UBE2D2: variants seen among roughly 807,000 people sequenced by gnomAD.
The protein encoded by UBE2D2 is ubiquitin-conjugating enzyme E2 D2.
A neutral mutation model predicts 24.2 loss-of-function variants in UBE2D2; 2 were observed. The ratio of observed to expected loss-of-function variants is 0.08; its 90% CI spans 0.03 to 0.26. UBE2D2 has a LOEUF of 0.26. Ranked by LOEUF, UBE2D2 falls within the 10% of genes least tolerant of loss-of-function variation. The pLI, the probability that UBE2D2 is intolerant of heterozygous loss-of-function variation, is 1.00. For synonymous variants in UBE2D2, 58 were observed against 56.5 expected, an observed-to-expected ratio of 1.03 and a Z score of -0.12; for missense variants, 44 against 177.6, an observed-to-expected ratio of 0.25 and a Z score of 4.28.
upstream of UBE2D2, among the ~76,000 whole-genome samples, chr5:139,556,454 A>G (rs1752981914): frequency 6.6e-6 from 1 of 152,146 alleles, no homozygotes; most frequent in African/African-American, 2.4e-5. Flanking sequence ...GAAGCTAGAA[A>G]AATAACAAAT....
chr5:139,605,871 T>A (rs903406997), intron 2 of UBE2D2, among the ~76,000 whole-genome samples: 1 of 151,574 alleles, frequency 6.6e-6, no homozygotes, highest in African/African-American at 2.4e-5. Flanking sequence ...CCTGAGTAGC[T>A]GGGACTATGG....
At chr5:139,570,668 T>A (rs1336540218) in intron 1 of UBE2D2, among the ~76,000 whole-genome samples, 1 of 152,114 alleles carries the variant, frequency 6.6e-6, no homozygotes, top group African/African-American at 2.4e-5. Context: ...CGTGCCATGA[T>A]GCCCAGCTAA....
chr5:139,626,624 G>T, intron 6 of UBE2D2, 132 bp from the exon 7 acceptor site: 1 of 702,260 alleles, frequency 1.4e-6, no homozygotes, highest in East Asian at 2.7e-5. Context: ...CAGAAATTTG[G>T]GATAGAAAGG....
intron 1 of UBE2D2, among the ~76,000 whole-genome samples, chr5:139,577,911 C>G (rs1753514175): frequency 6.6e-6 from 1 of 152,180 alleles, no homozygotes; most frequent in Non-Finnish European, 1.5e-5. Context: ...CTTTAGGTTT[C>G]TGGTTTGCTA....
At chr5:139,586,831 A>G (rs1340893909) in intron 1 of UBE2D2, among the ~76,000 whole-genome samples, 1 of 152,232 alleles carries the variant, frequency 6.6e-6, no homozygotes, top group Non-Finnish European at 1.5e-5. Flanking sequence ...TGTTAGGGTA[A>G]TCAGCATCTT....
At chr5:139,588,099 G>C (rs1480076788) in intron 1 of UBE2D2, among the ~76,000 whole-genome samples, 1 of 152,048 alleles carries the variant, frequency 6.6e-6, no homozygotes, top group Non-Finnish European at 1.5e-5. Flanking sequence ...AAGTGGCTGG[G>C]ATTACAGATG....
chr5:139,528,119 G>A (rs1025004233), intron 1 of UBE2D2, among the ~76,000 whole-genome samples: 8 of 152,206 alleles, frequency 5.3e-5, no homozygotes, highest in African/African-American at 1.4e-4. Flanking sequence ...TGTCTCTCAC[G>A]GCAGAGAGGA....
At chr5:139,600,228 A>G (rs765156516) in intron 1 of UBE2D2, 144 bp from the exon 2 acceptor site, 19 of 879,098 alleles carry the variant, frequency 2.2e-5, no homozygotes, top group African/African-American at 4.9e-5. Context: ...AGATTCACCA[A>G]TCTACTCATC....
chr5:139,533,540 C>T (rs112125115), intron 1 of UBE2D2, among the ~76,000 whole-genome samples: 1 of 151,852 alleles, frequency 6.6e-6, no homozygotes, highest in African/African-American at 2.4e-5. Flanking sequence ...ATCCCAGCTA[C>T]TCGGGAGGCT....
chr5:139,577,607 T>C (rs1414451160), intron 1 of UBE2D2, among the ~76,000 whole-genome samples: 3 of 151,618 alleles, frequency 2.0e-5, no homozygotes, highest in South Asian at 4.2e-4. Context: ...AAAGATGGGG[T>C]TTCATTATAT....
At chr5:139,608,849 C>T (rs1046733259) in intron 2 of UBE2D2, among the ~76,000 whole-genome samples, 1 of 152,096 alleles carries the variant, frequency 6.6e-6, no homozygotes, top group Non-Finnish European at 1.5e-5. Flanking sequence ...CTTTGGGAGG[C>T]CAGGGTGGGT....
intron 2 of UBE2D2, 32 bp from the exon 3 acceptor site, chr5:139,614,554 T>C: frequency 1.9e-6 from 3 of 1,611,774 alleles, no homozygotes; most frequent in Non-Finnish European, 2.5e-6. Flanking sequence ...TAGATATTGT[T>C]ACATGGTGAC....
intron 1 of UBE2D2, among the ~76,000 whole-genome samples, chr5:139,582,046 A>C (rs1444341830): frequency 1.4e-5 from 2 of 145,172 alleles, no homozygotes; most frequent in Middle Eastern, 3.7e-3. Flanking sequence ...AGTGCGATGC[A>C]ATAGTGTGAT....
rs1337296348 is a variant in UBE2D2 at position 139,626,862 on chromosome 5, C to G, written c.*61C>G. On this transcript the variant is annotated 3_prime_UTR_variant, in exon 7 of 7. Coordinates refer to ENST00000398733, the MANE Select transcript of UBE2D2 (RefSeq NM_003339.3). ...ATAGGGGAACTCTGAAAGAGAAAGT[C>G]CTTTTGATTTCCATTTGACTGCTTT... 1.4e-6 allele frequency: 2 copies of G among 1,468,302 alleles called. No individual in the cohort carries two copies. The highest frequency in any genetic ancestry group is 4.5e-5 in the East Asian group (2 of 44,026). 91.0% of individuals were successfully genotyped at this position (1,468,302 alleles called of 1,614,324 possible).
chr5:139,541,597 T>C (rs1432994954), intron 1 of UBE2D2, among the ~76,000 whole-genome samples: 1 of 131,792 alleles, frequency 7.6e-6, no homozygotes, highest in Non-Finnish European at 1.6e-5. Context: ...TAGACTCCAT[T>C]TCAAAAAAAA....
intron 2 of UBE2D2, among the ~76,000 whole-genome samples, chr5:139,605,607 A>G (rs1444173364): frequency 6.6e-6 from 1 of 150,402 alleles, no homozygotes; most frequent in Non-Finnish European, 1.5e-5. Context: ...AAAAAAAAAA[A>G]AAAAAAAGAA....
In UBE2D2 at chr5:139,544,956, C is replaced by T. The variant is rs1411454709; in HGVS notation, c.-64+18344C>T. ...CACGCCCGGCTAATTTTTTTTTGTA[C>T]TTTTAGTAGAGATGGGGTTTCACCA... On this transcript the variant is annotated intron_variant, in intron 1 of 6. Coordinates refer to the UBE2D2 transcript ENST00000511725. Among the ~76,000 whole-genome samples, 15 of 151,446 alleles carry T rather than the reference C, an allele frequency of 9.9e-5. 1 individual carries two copies. In the Admixed American group the frequency reaches 9.9e-4, roughly 10 times the overall value.
intron 2 of UBE2D2, 65 bp downstream of exon 2, chr5:139,600,500 TTATGG>T: frequency 6.5e-7 from 1 of 1,547,112 alleles, no homozygotes; most frequent in Non-Finnish European, 8.9e-7. Context: ...GAAGAAACAA[TTATGG>T]TATAGGGAAG....
In UBE2D2 at chr5:139,562,945, CT is replaced by C. The variant is rs1246163400; in HGVS notation, c.24+1135del. On this transcript the variant is annotated intron_variant, in intron 1 of 6. Coordinates refer to ENST00000398733, the MANE Select transcript of UBE2D2 (RefSeq NM_003339.3). The stretch of plus-strand genomic sequence containing the variant: ...GTAGCTACTTTTTTCTTCAATACAT[CT>C]TTTTCCTTTTAGTGGAGAACGGGGT... 2.0e-5 allele frequency among the ~76,000 whole-genome samples: 3 copies of C among 152,050 alleles called. No individual in the cohort carries two copies. In the South Asian group the frequency reaches 6.2e-4, roughly 31 times the overall value.
Sources: allele counts gnomAD v4.1 joint callset (sites outside exome capture counted in the v4.1 genomes callset), GRCh38; gene constraint gnomAD v4.1.1; transcripts MANE v1.5; gene names NCBI Gene and HGNC (gene_info 2026-07-23, HGNC 2026-07-21).